PSMC4: variants seen among roughly 807,000 people sequenced by gnomAD.
The protein encoded by PSMC4 is proteasome 26S subunit, ATPase 4.
A neutral mutation model predicts 48.4 loss-of-function variants in PSMC4; 13 were observed. The observed-to-expected ratio is 0.27, with a 90% CI of 0.18 to 0.43. The LOEUF (loss-of-function observed/expected upper bound fraction) is 0.43, where lower values mean the gene tolerates loss of function less well. Among genes scored for constraint, PSMC4 ranks in the 20% least tolerant of loss-of-function variants. The pLI, the probability that PSMC4 is intolerant of heterozygous loss-of-function variation, is 1.00. For missense variants in PSMC4, 262 were observed against 555.9 expected (o/e 0.47, Z 5.32); for synonymous variants, 202 against 212.3 (o/e 0.95, Z 0.42).
At position 39,976,254 on chromosome 19, in the gene PSMC4, T is replaced by A. The variant is rs1400813642; in HGVS notation, c.673+1426T>A. Among the ~76,000 whole-genome samples, 1,109 of 138,062 alleles carry A rather than the reference T, an allele frequency of 8.0e-3. 7 individuals carry two copies. The highest frequency in any genetic ancestry group is 0.012 in the Non-Finnish European group (782 of 64,366). 90.6% of individuals were successfully genotyped at this position (138,062 alleles called of 152,430 possible). ...TCCATCTCCAAAAAAAATATATATA[T>A]ATATATATATATATATTAATTAGCT... On this transcript the variant is annotated intron_variant, in intron 6 of 10. Transcript: ENST00000157812.
chr19:39,980,976 G>T lies in PSMC4; in HGVS notation c.1144-216G>T, dbSNP rs1372702480. Among the ~76,000 whole-genome samples the T allele has an allele frequency of 6.6e-6, 1 of 151,796 alleles. No homozygotes were observed. The highest frequency in any genetic ancestry group is 1.9e-4 in the East Asian group (1 of 5,174). ...TCACTGCAGTGATCCTCCCACCTCA[G>T]CCTCCCAAGTAGCTGGGATTACAGG... On this transcript the variant is annotated intron_variant, in intron 10 of 10. Coordinates refer to ENST00000157812, the MANE Select transcript of PSMC4 (RefSeq NM_006503.4). The surrounding 1 kb of genome is among the most constrained non-coding windows in gnomAD (Gnocchi z 4.8).
chr19:39,973,291 T>C (rs1427107811), intron 3 of PSMC4, among the ~76,000 whole-genome samples: 1 of 152,120 alleles, frequency 6.6e-6, no homozygotes, highest in Admixed American at 6.5e-5. Flanking sequence ...TGTTAAGAGA[T>C]TGGGCTCTGA....
In PSMC4 at chr19:39,980,421, A is replaced by G; in HGVS notation, c.1054A>G (p.Met352Val). 1 of 1,614,140 alleles carries G rather than the reference A, an allele frequency of 6.2e-7. No individual in the cohort carries two copies. Among genetic ancestry groups the G allele is most frequent in the Non-Finnish European group, 8.5e-7 (1 of 1,180,032 alleles). The change falls in exon 9 of 11, where the codon ATG (methionine) becomes GTG (valine). Residue 352 changes from methionine (M) to valine (V), a missense_variant. Met to Val is a conservative substitution (Grantham distance 21). This residue lies in a region of PSMC4 where 84 missense variants were observed against 157.8 expected (regional missense o/e 0.53). Transcript: ENST00000157812. The surrounding 1 kb of genome is among the most constrained non-coding windows in gnomAD (Gnocchi z 4.8). ...RLIFSTITSKMNLSEEVDLED... is the reference protein window; with the variant it reads ...RLIFSTITSKVNLSEEVDLED... Reference sequence around the variant, plus strand: ...GATTTTCTCCACTATCACTAGCAAGATGAACCTCTCTGAGGAGGTTGACTT... The same window carrying G: ...GATTTTCTCCACTATCACTAGCAAGGTGAACCTCTCTGAGGAGGTTGACTT...
intron 6 of PSMC4, among the ~76,000 whole-genome samples, chr19:39,976,152 G>T (rs927191211): frequency 2.4e-4 from 36 of 151,468 alleles, no homozygotes; most frequent in African/African-American, 8.7e-4. Flanking sequence ...CAGGAGAATG[G>T]TGTGAACCCA....
chr19:39,974,145 ACG>A lies in PSMC4; in HGVS notation c.323-148_323-147del. 1 of 910,900 alleles carries A rather than the reference ACG, an allele frequency of 1.1e-6. No homozygotes were observed. The highest frequency in any genetic ancestry group is 1.6e-6 in the Non-Finnish European group (1 of 609,704). The allele number at this position is 910,900 out of a possible 1,614,324, so 56.4% of individuals were successfully genotyped here. A position where few individuals can be genotyped will look rare whatever the true frequency, so the allele number is the denominator to read the frequency against. ...CAAGGAGTTCGTGTGAATACTGGGG[ACG>A]GACAGCAGGAGGGAAGGCTGGAGGC... is the stretch of plus-strand genomic sequence containing the variant. On this transcript the variant is annotated intron_variant, in intron 3 of 10. Coordinates refer to ENST00000157812, the MANE Select transcript of PSMC4 (RefSeq NM_006503.4). This position sits in a 1 kb window ranked among gnomAD's most constrained non-coding sequence, Gnocchi z 5.5.
At chr19:39,976,936 G>C (rs528455634) in intron 6 of PSMC4, among the ~76,000 whole-genome samples, 2 of 147,360 alleles carry the variant, frequency 1.4e-5, no homozygotes, top group Non-Finnish European at 3.0e-5. Context: ...TGCAACCTCT[G>C]CCTTCTGGGT....
chr19:39,971,565 A>G (rs1971102358), intron 1 of PSMC4, among the ~76,000 whole-genome samples: 1 of 151,716 alleles, frequency 6.6e-6, no homozygotes, highest in African/African-American at 2.4e-5. Context: ...GATATATGGG[A>G]TCCCGCCGTG....
chr19:39,974,690 G>A lies in PSMC4; in HGVS notation c.580-45G>A. On this transcript the variant is annotated intron_variant, in intron 5 of 10. Coordinates refer to ENST00000157812, the MANE Select transcript of PSMC4 (RefSeq NM_006503.4). This position sits in a 1 kb window ranked among gnomAD's most constrained non-coding sequence, Gnocchi z 5.5. ...GGCCCCATTGGGTCTGGGGTTGGAG[G>A]TGGAACCCCTGACTCCCACTTCTCT... 1.9e-6 allele frequency: 3 copies of A among 1,611,228 alleles called. No homozygotes were observed. Among genetic ancestry groups the A allele is most frequent in the Non-Finnish European group, 2.5e-6 (3 of 1,177,452 alleles).
rs748041110 is a variant in PSMC4, at chr19:39,971,202, T to C, written c.-1T>C. ...GCCACACAGAGGCCGGCTTGGTCAC[T>C]ATGGAGGAGATAGGCATCTTGGTGG... On this transcript the variant is annotated 5_prime_UTR_variant, in exon 1 of 11. Coordinates refer to ENST00000157812, the MANE Select transcript of PSMC4 (RefSeq NM_006503.4). The C allele has an allele frequency of 4.3e-6, 7 of 1,613,902 alleles. No individual in the cohort carries two copies. Among genetic ancestry groups the C allele is most frequent in the Non-Finnish European group, 5.9e-6 (7 of 1,179,958 alleles).
At chr19:39,972,868 C>T (rs1195662970) in intron 3 of PSMC4, among the ~76,000 whole-genome samples, 1 of 151,966 alleles carries the variant, frequency 6.6e-6, no homozygotes, top group South Asian at 2.1e-4. Flanking sequence ...GTCTCAGCCT[C>T]CCAAGTAGCT....
At chr19:39,975,171 C>G (rs1345682175) in intron 6 of PSMC4, among the ~76,000 whole-genome samples, 2 of 152,106 alleles carry the variant, frequency 1.3e-5, no homozygotes, top group Non-Finnish European at 2.9e-5. Flanking sequence ...GGTATTTATA[C>G]CATGGTACAA....
intron 6 of PSMC4, among the ~76,000 whole-genome samples, chr19:39,976,401 CA>C (rs757355957): frequency 0.051 from 2,324 of 45,200 alleles, 13 homozygotes; most frequent in African/African-American, 0.098. Flanking sequence ...GACTCCGTCT[CA>C]AAAAAAAAAA....
chr19:39,977,442 G>A (rs796087325), intron 6 of PSMC4, among the ~76,000 whole-genome samples: 21 of 152,224 alleles, frequency 1.4e-4, no homozygotes, highest in African/African-American at 4.8e-4. Context: ...CACTGGCAGA[G>A]GGAGGGAAGA....
chr19:39,975,395 G>A (rs1971180944), intron 6 of PSMC4, among the ~76,000 whole-genome samples: 1 of 151,546 alleles, frequency 6.6e-6, no homozygotes, highest in African/African-American at 2.4e-5. Flanking sequence ...CGTGAGCCAT[G>A]TGCCTGGCCC....
chr19:39,973,052 A>G (rs1971130876), intron 3 of PSMC4, among the ~76,000 whole-genome samples: 1 of 152,158 alleles, frequency 6.6e-6, no homozygotes, highest in South Asian at 2.1e-4. Context: ...CTGGCCAGAA[A>G]TGTATTTTAC....
chr19:39,977,549 C>T (rs887998293), intron 6 of PSMC4, among the ~76,000 whole-genome samples: 7 of 151,996 alleles, frequency 4.6e-5, no homozygotes, highest in Non-Finnish European at 1.0e-4. Context: ...TGGCAAGGCG[C>T]GGTGGCTCAC....
rs1188073549 is a variant in PSMC4 at position 39,979,762 on chromosome 19, G to A, written c.674-55G>A. 7.9e-6 allele frequency: 12 copies of A among 1,520,782 alleles called. No individual in the cohort carries two copies. In the East Asian group the frequency reaches 1.2e-4, roughly 15 times the overall value. The allele number at this position is 1,520,782 out of a possible 1,614,324, so 94.2% of individuals were successfully genotyped here. On this transcript the variant is annotated intron_variant, in intron 6 of 10. Transcript: ENST00000157812. ...GGAATTCGCAGTTTCTGTTAAAGCA[G>A]AATGGGCCCCTCAGGAGGCTCATTC...
Position 39,972,196 on chromosome 19 carries a change from C to T in PSMC4, c.87C>T (p.Phe29=). ...CCCGGCCCCAGACCGGCCTGTCCTT[C>T]CTGGGCCCTGAGCCTGAGGACCTGG... is the stretch of plus-strand genomic sequence containing the variant. ...SVSRPQTGLS[F]LGPEPEDLED... is the part of the protein sequence containing the mutation. The change falls in exon 2 of 11, where the codon TTC becomes TTT. Residue 29 remains phenylalanine (F), a synonymous_variant. Transcript: ENST00000157812. 2 of 1,614,172 alleles carry T rather than the reference C, an allele frequency of 1.2e-6. No individual in the cohort carries two copies. Among genetic ancestry groups the T allele is most frequent in the Non-Finnish European group, 1.7e-6 (2 of 1,180,038 alleles).
In PSMC4 at chr19:39,974,517, C is replaced by T. The variant is rs770720840; in HGVS notation, c.470-7C>T. ...GGCCAGGAGCCCCAGCTCTGCTCTCCCACCAGACCAGAAGCCAGATGTGAT... is the reference window on the plus strand; with the variant it reads ...GGCCAGGAGCCCCAGCTCTGCTCTCTCACCAGACCAGAAGCCAGATGTGAT... On this transcript the variant is annotated splice_polypyrimidine_tract_variant and splice_region_variant and intron_variant, in intron 4 of 10. Coordinates refer to ENST00000157812, the MANE Select transcript of PSMC4 (RefSeq NM_006503.4). This position sits in a 1 kb window ranked among gnomAD's most constrained non-coding sequence, Gnocchi z 5.5. 13 of 1,613,730 alleles carry T rather than the reference C, an allele frequency of 8.1e-6. No individual in the cohort carries two copies. Among genetic ancestry groups the T allele is most frequent in the Middle Eastern group, 1.6e-4 (1 of 6,082 alleles).
Sources: gnomAD v4.1 joint callset for allele counts (sites outside exome capture counted in the v4.1 genomes callset) on GRCh38, gnomAD v4.1.1 for gene constraint, gnomAD v4.1.1 regional missense constraint, Gnocchi (gnomAD v3.1) non-coding constraint, MANE v1.5 for transcripts, NCBI Gene and HGNC (gene_info 2026-07-23, HGNC 2026-07-21) for gene names.